Variants in TMEM229B observed in about 807,000 individuals in gnomAD.
The protein encoded by TMEM229B is chromosome 14 open reading frame 83.
A neutral mutation model predicts 13.7 loss-of-function variants in TMEM229B; 6 were observed. The observed-to-expected ratio is 0.44, with a 90% confidence interval of 0.24 to 0.86. The LOEUF is 0.86. Ranked by LOEUF, TMEM229B falls within the 40% of genes least tolerant of loss-of-function variation. TMEM229B has a pLI of 0.23. For synonymous variants in TMEM229B, 107 were observed against 102.1 expected (o/e 1.05, Z -0.29); for missense variants, 170 against 236.0 (o/e 0.72, Z 1.83).
chr14:67,500,792 C>T (rs1451000132), intron 1 of TMEM229B, among the ~76,000 whole-genome samples: 2 of 151,668 alleles, frequency 1.3e-5, no homozygotes, highest in Admixed American at 6.6e-5. Flanking sequence ...AGGATGGTCT[C>T]GATCTCCTGA....
At chr14:67,483,577 T>C (rs1594686583) in intron 2 of TMEM229B, among the ~76,000 whole-genome samples, 1 of 152,094 alleles carries the variant, frequency 6.6e-6, no homozygotes, top group Non-Finnish European at 1.5e-5. Context: ...TCCTAAAGGC[T>C]CCCAGCCTGT....
At chr14:67,476,269 C>T (rs773430671) in intron 2 of TMEM229B, among the ~76,000 whole-genome samples, 2 of 152,162 alleles carry the variant, frequency 1.3e-5, no homozygotes, top group Admixed American at 6.6e-5. Flanking sequence ...GCACTTCGTT[C>T]GCATTTTGTC....
upstream of TMEM229B, among the ~76,000 whole-genome samples, chr14:67,516,598 C>T (rs530341606): frequency 3.3e-5 from 5 of 150,678 alleles, no homozygotes; most frequent in South Asian, 1.1e-3. Context: ...GAACCTAATA[C>T]CTAACCCTAA....
chr14:67,513,345 T>C (rs1594717089), intron 1 of TMEM229B, among the ~76,000 whole-genome samples: 1 of 152,196 alleles, frequency 6.6e-6, no homozygotes, highest in African/African-American at 2.4e-5. Context: ...GGCCTAGCTG[T>C]GCTTCTCTGG....
At chr14:67,508,760 A>AAAAAAAAAAAAAAAAAAAAAAAAAAAAAC in intron 1 of TMEM229B, among the ~76,000 whole-genome samples, 1 of 149,548 alleles carries the variant, frequency 6.7e-6, no homozygotes, top group Non-Finnish European at 1.5e-5. Context: ...TCTCAAAAAA[A>AAAAAAAAAAAAAAAAAAAAAAAAAAAAAC]AAAAAAAAAA....
At chr14:67,490,760 C>T (rs1315535003), upstream of TMEM229B, among the ~76,000 whole-genome samples, 1 of 152,150 alleles carries the variant, frequency 6.6e-6, no homozygotes, top group East Asian at 1.9e-4. Context: ...CAGGCAAATA[C>T]TACCTCTGTT....
At chr14:67,523,986 G>C (rs1307838580) in intron 1 of TMEM229B, among the ~76,000 whole-genome samples, 3 of 87,310 alleles carry the variant, frequency 3.4e-5, no homozygotes, top group Non-Finnish European at 7.6e-5. Flanking sequence ...AACACAGAGG[G>C]GATGAATCCT....
chr14:67,486,433 C>CCCAGCTAATTTTTGTATTTTTAGTA (rs2031885841), intron 2 of TMEM229B, among the ~76,000 whole-genome samples: 1 of 152,210 alleles, frequency 6.6e-6, no homozygotes, highest in Non-Finnish European at 1.5e-5. Context: ...TGCCACAATG[C>CCCAGCTAATTTTTGTATTTTTAGTA]CCAGCTAATT....
At chr14:67,505,987 AC>A (rs1305542581) in intron 1 of TMEM229B, among the ~76,000 whole-genome samples, 1 of 152,104 alleles carries the variant, frequency 6.6e-6, no homozygotes, top group Non-Finnish European at 1.5e-5. Flanking sequence ...GGTGTGAGCC[AC>A]CTCACCTGGC....
intron 1 of TMEM229B, among the ~76,000 whole-genome samples, chr14:67,532,801 T>C (rs567982207): frequency 1.3e-5 from 2 of 152,364 alleles, no homozygotes; most frequent in African/African-American, 4.8e-5. Context: ...GTTCCAAATA[T>C]CCAGACGTTA....
chr14:67,511,707 G>A (rs1330040455), intron 1 of TMEM229B, among the ~76,000 whole-genome samples: 1 of 152,204 alleles, frequency 6.6e-6, no homozygotes, highest in Non-Finnish European at 1.5e-5. Context: ...TGAAGGAGCA[G>A]GGGGCCAGCA....
At chr14:67,496,397 T>TTTTTG (rs2032374715) in intron 1 of TMEM229B, among the ~76,000 whole-genome samples, 1 of 119,112 alleles carries the variant, frequency 8.4e-6, no homozygotes, top group East Asian at 2.6e-4. Context: ...CGGCGTTTTT[T>TTTTTG]TTTTTTTTTT....
At chr14:67,486,860 C>T (rs1004401968) in intron 2 of TMEM229B, 140 bp downstream of exon 2, 1 of 152,218 alleles carries the variant, frequency 6.6e-6, no homozygotes, top group African/African-American at 2.4e-5. Flanking sequence ...TGACATTCCC[C>T]TCCCATTGCC....
intron 2 of TMEM229B, among the ~76,000 whole-genome samples, chr14:67,477,160 C>T (rs2031261231): frequency 2.6e-5 from 3 of 116,578 alleles, no homozygotes; most frequent in Admixed American, 1.6e-4. Context: ...GAGCGAAACT[C>T]CATCTCAAAA....
At chr14:67,507,551 T>C (rs2032871848) in intron 1 of TMEM229B, among the ~76,000 whole-genome samples, 1 of 151,882 alleles carries the variant, frequency 6.6e-6, no homozygotes, top group Non-Finnish European at 1.5e-5. Context: ...CAGGCTTAAG[T>C]GATCCTCCCA....
intron 1 of TMEM229B, among the ~76,000 whole-genome samples, chr14:67,504,593 T>C (rs1054248223): frequency 1.3e-5 from 2 of 151,874 alleles, no homozygotes; most frequent in African/African-American, 4.8e-5. Flanking sequence ...AAAAAATAAA[T>C]AAAAAACAAT....
chr14:67,518,955 A>T (rs1174460811), upstream of TMEM229B, among the ~76,000 whole-genome samples: 1 of 152,248 alleles, frequency 6.6e-6, no homozygotes, highest in Non-Finnish European at 1.5e-5. Context: ...GAAAGCAAGA[A>T]GTGAGGTAGA....
At chr14:67,474,240 A>C (rs1195941822) in intron 2 of TMEM229B, among the ~76,000 whole-genome samples, 3 of 148,264 alleles carry the variant, frequency 2.0e-5, no homozygotes, top group Non-Finnish European at 3.0e-5. Context: ...AGACAGAGTG[A>C]GACTCTGTCT....
At chr14:67,503,465 CAG>C (rs1413093268) in intron 1 of TMEM229B, 1 of 152,190 alleles carries the variant, frequency 6.6e-6, no homozygotes, top group Non-Finnish European at 1.5e-5. Flanking sequence ...GCTTGAATGA[CAG>C]GGCAAAGGAC....
Sources: allele counts gnomAD v4.1 joint callset (sites outside exome capture counted in the v4.1 genomes callset), GRCh38; gene constraint gnomAD v4.1.1; transcripts MANE v1.5; gene names NCBI Gene and HGNC (gene_info 2026-07-23, HGNC 2026-07-21).